The following DNAJC5B variants were observed in gnomAD, a reference collection of about 807,000 sequenced individuals.
DNAJC5B encodes dnaJ homolog subfamily C member 5B.
A neutral mutation model predicts 24.7 loss-of-function variants in DNAJC5B; 23 were observed. The ratio of observed to expected loss-of-function variants is 0.93; its 90% confidence interval spans 0.67 to 1.32. DNAJC5B has a LOEUF of 1.32. Among genes scored for constraint, DNAJC5B ranks in the 40% most tolerant of loss-of-function variants. The pLI, the probability that DNAJC5B is intolerant of heterozygous loss-of-function variation, is 0.00. For missense variants in DNAJC5B, 238 were observed against 240.8 expected (o/e 0.99, Z 0.08); for synonymous variants, 101 against 90.1 (o/e 1.12, Z -0.68).
chr8:66,100,058 C>T lies in DNAJC5B; in HGVS notation c.*27C>T, dbSNP rs776309220. 1.4e-5 allele frequency: 23 copies of T among 1,598,826 alleles called. 1 individual carries two copies. The South Asian group carries it at 2.3e-4, about 16-fold the overall frequency. On this transcript the variant is annotated 3_prime_UTR_variant, in exon 6 of 6. Transcript: ENST00000276570. ...ATTGAGCCCTCAGAGAGTCCACAGT[C>T]CCTCCTCTCAGTTCAGTCTTGTCTC...
At chr8:66,052,720 TTA>T (rs965270039) in intron 3 of DNAJC5B, among the ~76,000 whole-genome samples, 91 of 152,298 alleles carry the variant, frequency 6.0e-4, no homozygotes, top group African/African-American at 2.1e-3. Context: ...GAAAACTCTG[TTA>T]TTTGTCCCAC....
At chr8:66,053,791 G>A (rs752974696) in intron 3 of DNAJC5B, among the ~76,000 whole-genome samples, 3 of 152,010 alleles carry the variant, frequency 2.0e-5, no homozygotes, top group Non-Finnish European at 2.9e-5. Flanking sequence ...CACCATGCCC[G>A]GCTAATTTTG....
At chr8:66,061,299 G>A (rs1286725694) in intron 3 of DNAJC5B, among the ~76,000 whole-genome samples, 1 of 152,126 alleles carries the variant, frequency 6.6e-6, no homozygotes, top group Non-Finnish European at 1.5e-5. Flanking sequence ...ATCTAAAAAT[G>A]AGTGCAAGGT....
intron 1 of DNAJC5B, among the ~76,000 whole-genome samples, chr8:66,034,176 TTG>T (rs60916429): frequency 0.12 from 16,687 of 143,936 alleles, 1,859 homozygotes; most frequent in East Asian, 0.58. Flanking sequence ...TGTTGTTGTT[TTG>T]TGTGTGTGTG....
At chr8:66,072,734 A>G (rs938351423) in intron 3 of DNAJC5B, among the ~76,000 whole-genome samples, 2 of 152,234 alleles carry the variant, frequency 1.3e-5, no homozygotes, top group Admixed American at 6.5e-5. Flanking sequence ...CAGTCAAAAT[A>G]GCACTTAGAG....
upstream of DNAJC5B, among the ~76,000 whole-genome samples, chr8:66,018,297 T>A (rs1289964417): frequency 6.6e-6 from 1 of 152,062 alleles, no homozygotes; most frequent in Non-Finnish European, 1.5e-5. Context: ...GGCGGGTGGA[T>A]CACGAGGTCA....
At position 66,076,789 on chromosome 8, in the gene DNAJC5B, C is replaced by T. The variant is rs966644862; in HGVS notation, c.249C>T (p.Tyr83=). The T allele has an allele frequency of 1.9e-6, 3 of 1,614,174 alleles. No individual in the cohort carries two copies. Among genetic ancestry groups the T allele is most frequent in the Non-Finnish European group, 2.5e-6 (3 of 1,180,028 alleles). ...DISKRSIYDK[Y]GSLGLYVAEQ... ...CAAAGAGAAGCATATACGACAAGTA[C>T]GGATCGCTGGGACTCTACGTGGCCG... is the stretch of plus-strand genomic sequence containing the variant. The change falls in exon 4 of 6, where the codon TAC becomes TAT. Residue 83 remains tyrosine (Y), a synonymous_variant. Transcript: ENST00000276570.
At chr8:66,070,507 G>C (rs1807322912) in intron 3 of DNAJC5B, among the ~76,000 whole-genome samples, 1 of 152,116 alleles carries the variant, frequency 6.6e-6, no homozygotes, top group South Asian at 2.1e-4. Context: ...GGGATGTGAA[G>C]GACTTCTTCA....
chr8:66,035,179 T>G (rs774817974), intron 1 of DNAJC5B, among the ~76,000 whole-genome samples: 34 of 152,188 alleles, frequency 2.2e-4, no homozygotes, highest in Non-Finnish European at 2.5e-4. Flanking sequence ...AGGGCTTCCC[T>G]CCAATAATGC....
chr8:66,028,187 T>G (rs1017428629), intron 1 of DNAJC5B, among the ~76,000 whole-genome samples: 3 of 152,182 alleles, frequency 2.0e-5, no homozygotes, highest in Non-Finnish European at 4.4e-5. Flanking sequence ...TATGACTGAT[T>G]GACACAAACT....
intron 1 of DNAJC5B, among the ~76,000 whole-genome samples, chr8:66,030,663 G>A (rs575556117): frequency 8.6e-5 from 13 of 151,996 alleles, no homozygotes; most frequent in Admixed American, 1.3e-4. Flanking sequence ...CTGAGACAGT[G>A]TCTTGCTCTG....
intron 2 of DNAJC5B, 132 bp downstream of exon 2, chr8:66,043,743 T>G (rs1806665838): frequency 6.6e-6 from 1 of 152,132 alleles, no homozygotes; most frequent in African/African-American, 2.4e-5. Flanking sequence ...GAACAGGTAC[T>G]GTGGTTTACT....
intron 3 of DNAJC5B, among the ~76,000 whole-genome samples, chr8:66,074,326 C>A (rs1006932646): frequency 4.6e-5 from 7 of 152,100 alleles, no homozygotes; most frequent in Non-Finnish European, 7.4e-5. Context: ...GAGAATGGAG[C>A]AAAACATTGT....
At chr8:66,051,317 C>G (rs1806839525) in intron 2 of DNAJC5B, among the ~76,000 whole-genome samples, 1 of 152,164 alleles carries the variant, frequency 6.6e-6, no homozygotes, top group African/African-American at 2.4e-5. Flanking sequence ...GTGGAGAAAG[C>G]CCTGTTCCAT....
chr8:66,056,222 CAGGTAGTCTCA>C, intron 3 of DNAJC5B, among the ~76,000 whole-genome samples: 1 of 152,232 alleles, frequency 6.6e-6, no homozygotes, highest in Non-Finnish European at 1.5e-5. Flanking sequence ...AGAAGGCATC[CAGGTAGTCTCA>C]TTCTTCCTCC....
At chr8:66,094,427 T>C (rs1387186485) in intron 5 of DNAJC5B, among the ~76,000 whole-genome samples, 2 of 152,124 alleles carry the variant, frequency 1.3e-5, no homozygotes, top group East Asian at 3.8e-4. Context: ...TATATATGTA[T>C]TTTCCTACTT....
intron 5 of DNAJC5B, among the ~76,000 whole-genome samples, chr8:66,090,693 C>T (rs1807828875): frequency 6.6e-6 from 1 of 152,014 alleles, no homozygotes; most frequent in Admixed American, 6.6e-5. Context: ...TAATTAGACT[C>T]TCACTTTCGG....
chr8:66,040,585 T>C (rs1268849832), intron 1 of DNAJC5B, among the ~76,000 whole-genome samples: 1 of 152,186 alleles, frequency 6.6e-6, no homozygotes, highest in Non-Finnish European at 1.5e-5. Flanking sequence ...CCACATTACT[T>C]GACTGGAGAG....
chr8:66,095,100 A>G (rs185672338), intron 5 of DNAJC5B, among the ~76,000 whole-genome samples: 80 of 152,212 alleles, frequency 5.3e-4, no homozygotes, highest in African/African-American at 1.8e-3. Context: ...TTGTATCAAG[A>G]TTATGCCTCA....
Sources: gnomAD v4.1 joint callset for allele counts (sites outside exome capture counted in the v4.1 genomes callset) on GRCh38, gnomAD v4.1.1 for gene constraint, MANE v1.5 for transcripts, NCBI Gene and HGNC (gene_info 2026-07-23, HGNC 2026-07-21) for gene names.